INTS13: variants seen among roughly 807,000 people sequenced by gnomAD.
The protein encoded by INTS13 is asunder, spermatogenesis regulator homolog (Drosphila).
In INTS13, 35 loss-of-function variants were observed where a neutral mutation model predicts 90.2. That is an observed-to-expected ratio of 0.39 (90% CI 0.30 to 0.51). The LOEUF is 0.51. Among genes scored for constraint, INTS13 ranks in the 20% least tolerant of loss-of-function variants. The probability of loss-of-function intolerance (pLI) is 0.80; values close to 1 mark genes in which losing one functional copy is unlikely to be tolerated. For missense variants in INTS13, 601 were observed against 851.2 expected (o/e 0.71, Z 3.66); for synonymous variants, 309 against 277.1 (o/e 1.11, Z -1.14).
chr12:26,919,022 C>T, intron 8 of INTS13: 1 of 387,374 alleles, frequency 2.6e-6, no homozygotes, highest in South Asian at 1.9e-5. Context: ...AAAAATTAGC[C>T]AGGCTTCGTG....
chr12:26,921,952 G>T (rs894624430), intron 8 of INTS13, among the ~76,000 whole-genome samples: 1 of 152,112 alleles, frequency 6.6e-6, no homozygotes, highest in Non-Finnish European at 1.5e-5. Flanking sequence ...CACTACCCCC[G>T]GCCTGCAGCC....
intron 3 of INTS13, among the ~76,000 whole-genome samples, chr12:26,933,037 C>T (rs1180472142): frequency 2.0e-5 from 3 of 152,226 alleles, no homozygotes; most frequent in Non-Finnish European, 2.9e-5. Context: ...AATGTTAATA[C>T]CTGCAGGTAA....
intron 3 of INTS13, among the ~76,000 whole-genome samples, chr12:26,932,861 C>A (rs1307615209): frequency 6.6e-6 from 1 of 152,202 alleles, no homozygotes; most frequent in East Asian, 1.9e-4. Flanking sequence ...AGTATATAGT[C>A]AGCAATACCT....
In INTS13 at chr12:26,924,559, A is replaced by G. The variant is rs1206646529; in HGVS notation, c.676-76T>C. 11 of 1,389,030 alleles carry G rather than the reference A, an allele frequency of 7.9e-6. 1 individual carries two copies. The South Asian group carries it at 1.5e-4, about 18-fold the overall frequency. 86.0% of individuals were successfully genotyped at this position (1,389,030 alleles called of 1,614,324 possible). A position where few individuals can be genotyped will look rare whatever the true frequency, so the allele number is the denominator to read the frequency against. The stretch of plus-strand genomic sequence containing the variant: ...GACCTACTGCTAAATATTTTAGTAT[A>G]AATCCATTAAAATTAAGTATTTTTA... On this transcript the variant is annotated intron_variant, in intron 6 of 16. Transcript: ENST00000261191.
intron 5 of INTS13, among the ~76,000 whole-genome samples, chr12:26,927,625 A>G (rs1395463881): frequency 6.6e-6 from 1 of 151,938 alleles, no homozygotes; most frequent in Non-Finnish European, 1.5e-5. Context: ...ATTAAATTAA[A>G]TTTTTTTTGA....
chr12:26,938,173 C>T (rs926409587), upstream of INTS13: 1 of 152,844 alleles, frequency 6.5e-6, no homozygotes, highest in East Asian at 1.9e-4. Context: ...GCTAATTTTC[C>T]CAGTCACCCA....
At chr12:26,914,984 C>T (rs550465537) in intron 11 of INTS13, among the ~76,000 whole-genome samples, 2 of 152,242 alleles carry the variant, frequency 1.3e-5, no homozygotes, top group Admixed American at 6.5e-5. Context: ...CCCAACACTT[C>T]AGGAGGCCAA....
At chr12:26,931,597 T>C (rs532780532) in intron 3 of INTS13, among the ~76,000 whole-genome samples, 1 of 152,244 alleles carries the variant, frequency 6.6e-6, no homozygotes, top group African/African-American at 2.4e-5. Context: ...TTGTTTCTCA[T>C]GTTGTTCACA....
At chr12:26,921,348 C>T (rs999784011) in intron 8 of INTS13, among the ~76,000 whole-genome samples, 3 of 152,206 alleles carry the variant, frequency 2.0e-5, no homozygotes, top group African/African-American at 4.8e-5. Flanking sequence ...ATCACTCTTT[C>T]GAGTTTGCTC....
chr12:26,928,244 G>A lies in INTS13; in HGVS notation c.545C>T (p.Thr182Met). The A allele has an allele frequency of 6.2e-6, 10 of 1,609,894 alleles. No individual in the cohort carries two copies. Among genetic ancestry groups the A allele is most frequent in the South Asian group, 1.1e-5 (1 of 90,704 alleles). ...AGCAAGCTTGTTATGTTCATGAATC[G>A]TTTCCTGGACACAGTCTTCAAGCAT... ...VRMLEDCVQETIHEHNKLAAN... is the reference protein window; with the variant it reads ...VRMLEDCVQEMIHEHNKLAAN... Residue 182 changes from threonine to methionine, a missense_variant, in exon 5 of 17, where the codon ACG becomes ATG. Physicochemically the swap from Thr to Met is moderately conservative, Grantham distance 81. Transcript: ENST00000261191.
At chr12:26,914,356 T>A (rs1365196595) in intron 12 of INTS13, 52 bp downstream of exon 12, 1 of 1,488,486 alleles carries the variant, frequency 6.7e-7, no homozygotes, top group Admixed American at 2.2e-5. Context: ...TTGATTTCTA[T>A]AAAGAATATA....
At chr12:26,913,120 A>T (rs1951833810) in intron 14 of INTS13, among the ~76,000 whole-genome samples, 1 of 152,192 alleles carries the variant, frequency 6.6e-6, no homozygotes, top group South Asian at 2.1e-4. Flanking sequence ...CATCATAAGC[A>T]TTCAGTAAAT....
chr12:26,918,967 T>A (rs1156648900), intron 8 of INTS13: 2 of 251,410 alleles, frequency 8.0e-6, no homozygotes, highest in Admixed American at 8.0e-5. Context: ...GTCAGGAAAC[T>A]AGCCTGGGCA....
chr12:26,924,267 A>C, intron 7 of INTS13, 88 bp downstream of exon 7: 1 of 1,420,400 alleles, frequency 7.0e-7, no homozygotes, highest in Non-Finnish European at 9.6e-7. Context: ...TGCTGGGATT[A>C]CAGGCATGAG....
At chr12:26,915,412 A>T (rs181792403) in intron 11 of INTS13, among the ~76,000 whole-genome samples, 61 of 152,254 alleles carry the variant, frequency 4.0e-4, no homozygotes, top group African/African-American at 1.3e-3. Context: ...TATGTTTTTT[A>T]AAAAAATCCT....
At chr12:26,908,562 T>A (rs543343267) in intron 15 of INTS13, among the ~76,000 whole-genome samples, 1 of 151,894 alleles carries the variant, frequency 6.6e-6, no homozygotes, top group East Asian at 1.9e-4. Flanking sequence ...TACTGCATCA[T>A]ACAAAGAGAG....
chr12:26,923,633 T>G lies in INTS13; in HGVS notation c.804+722A>C, dbSNP rs1937705707. Among the ~76,000 whole-genome samples the G allele has an allele frequency of 4.6e-5, 7 of 152,250 alleles. No homozygotes were observed. The South Asian group carries it at 1.4e-3, about 32-fold the overall frequency. ...TGCTAGCCCTAAAACAACTTAATGATAATGTTAATATAATGAAAATGAACA... is the reference window on the plus strand; with the variant it reads ...TGCTAGCCCTAAAACAACTTAATGAGAATGTTAATATAATGAAAATGAACA... On this transcript the variant is annotated intron_variant, in intron 7 of 16. Coordinates refer to ENST00000261191, the MANE Select transcript of INTS13 (RefSeq NM_018164.3).
upstream of INTS13, chr12:26,938,022 C>G (rs1938575878): frequency 6.5e-6 from 1 of 152,728 alleles, no homozygotes; most frequent in Non-Finnish European, 1.5e-5. Context: ...CACTCGGGCT[C>G]GCGCGTGCGC....
intron 5 of INTS13, among the ~76,000 whole-genome samples, chr12:26,927,669 G>A (rs1232253609): frequency 1.3e-5 from 2 of 152,078 alleles, no homozygotes; most frequent in African/African-American, 2.4e-5. Context: ...AGGCTGGAGT[G>A]TAGTGGCACA....
Sources: gnomAD v4.1 joint callset for allele counts (sites outside exome capture counted in the v4.1 genomes callset) on GRCh38, gnomAD v4.1.1 for gene constraint, MANE v1.5 for transcripts, NCBI Gene and HGNC (gene_info 2026-07-23, HGNC 2026-07-21) for gene names.